Variants in ENTPD1 observed in about 807,000 individuals in gnomAD.
ENTPD1 encodes the protein ATP diphosphohydrolase.
In ENTPD1, 33 loss-of-function variants were observed where a neutral mutation model predicts 57.0. The observed-to-expected ratio is 0.58, with a 90% CI of 0.44 to 0.77. ENTPD1 has a LOEUF of 0.77. Ranked by LOEUF, ENTPD1 falls within the 30% of genes least tolerant of loss-of-function variation. The probability of loss-of-function intolerance (pLI) is 0.00; values close to 1 mark genes in which losing one functional copy is unlikely to be tolerated. For synonymous variants in ENTPD1, 202 were observed against 218.8 expected, an observed-to-expected ratio of 0.92 and a Z score of 0.68; for missense variants, 501 against 603.4, an observed-to-expected ratio of 0.83 and a Z score of 1.78.
At chr10:95,760,416 G>T (rs775345383) in intron 1 of ENTPD1, among the ~76,000 whole-genome samples, 6 of 152,132 alleles carry the variant, frequency 3.9e-5, no homozygotes, top group Non-Finnish European at 8.8e-5. Context: ...CAAGCTCTGA[G>T]CAGTCAACCT....
chr10:95,729,385 T>G (rs2097987020), intron 1 of ENTPD1, among the ~76,000 whole-genome samples: 1 of 152,162 alleles, frequency 6.6e-6, no homozygotes, highest in Non-Finnish European at 1.5e-5. Flanking sequence ...TTTCCTGGAG[T>G]AGTCAGTCTT....
upstream of ENTPD1, among the ~76,000 whole-genome samples, chr10:95,752,729 G>A (rs747985478): frequency 1.3e-5 from 2 of 152,124 alleles, no homozygotes; most frequent in Admixed American, 1.3e-4. Flanking sequence ...ATGGGGTCTT[G>A]TTATGTTGCC....
chr10:95,874,084 CA>C lies in ENTPD1; in HGVS notation c.*7702del, dbSNP rs2098483329. 6.6e-6 allele frequency among the ~76,000 whole-genome samples: 1 copy of C among 152,168 alleles called. No homozygotes were observed. The highest frequency in any genetic ancestry group is 6.5e-5 in the Admixed American group (1 of 15,284). ...GGGCTCCTCCAAATTTCATAATCCT[CA>C]CATTTCAAAACCAATCATTCCTTCC... is the stretch of plus-strand genomic sequence containing the variant. On this transcript the variant is annotated 3_prime_UTR_variant, in exon 10 of 10. Transcript: ENST00000371205.
intron 1 of ENTPD1, among the ~76,000 whole-genome samples, chr10:95,712,216 C>G (rs2097966352): frequency 6.6e-6 from 1 of 152,114 alleles, no homozygotes; most frequent in Non-Finnish European, 1.5e-5. Flanking sequence ...TAGTCTTTGT[C>G]TTTCCGTGTT....
In ENTPD1 at chr10:95,845,475, A is replaced by G; in HGVS notation, c.692A>G (p.Glu231Gly). Residue 231 changes from glutamate to glycine, a missense_variant, in exon 6 of 10, where the codon GAG (glutamate) becomes GGG (glycine). By Grantham distance (98) the Glu-to-Gly change is moderately conservative. Coordinates refer to ENST00000371205, the MANE Select transcript of ENTPD1 (RefSeq NM_001776.6). ...TTTGTACCCCAAAACCAGACTATCG[A>G]GTCCCCAGATAATGCTCTGCAATTT... is the stretch of plus-strand genomic sequence containing the variant. ...VTFVPQNQTI[E>G]SPDNALQFRL... 6.2e-7 allele frequency: 1 copy of G among 1,614,226 alleles called. No homozygotes were observed. The highest frequency in any genetic ancestry group is 8.5e-7 in the Non-Finnish European group (1 of 1,180,036).
In ENTPD1 at chr10:95,868,623, C is replaced by A; in HGVS notation, c.*2240C>A. The A allele has an allele frequency of 1.0e-6, 1 of 983,436 alleles. No homozygotes were observed. Among genetic ancestry groups the A allele is most frequent in the Non-Finnish European group, 1.2e-6 (1 of 828,156 alleles). The allele number at this position is 983,436 out of a possible 1,614,324, so 60.9% of individuals were successfully genotyped here. On this transcript the variant is annotated 3_prime_UTR_variant, in exon 10 of 10. Coordinates refer to ENST00000371205, the MANE Select transcript of ENTPD1 (RefSeq NM_001776.6). ...ATCTATTCTGACCCTCACAACAACC[C>A]ATAAGGGTGTAAATAGTATTTCCAT...
intron 1 of ENTPD1, among the ~76,000 whole-genome samples, chr10:95,720,342 G>T (rs1357587200): frequency 6.6e-6 from 1 of 152,168 alleles, no homozygotes; most frequent in Non-Finnish European, 1.5e-5. Context: ...GTGTATAATG[G>T]CCGCTGCTTT....
In ENTPD1 at chr10:95,802,421, A is replaced by AT. The variant is rs764439773; in HGVS notation, c.17-20806dup. ...TTCAGGGTAATTAGCATATCCATGA[A>AT]TTTTTTTTTTCTGTTTTGAATGATT... is the stretch of plus-strand genomic sequence containing the variant. On this transcript the variant is annotated intron_variant, in intron 1 of 9. Coordinates refer to ENST00000371205, the MANE Select transcript of ENTPD1 (RefSeq NM_001776.6). Among the ~76,000 whole-genome samples the AT allele has an allele frequency of 3.9e-3, 584 of 150,006 alleles. 4 individuals are homozygous for AT. Among genetic ancestry groups the AT allele is most frequent in the African/African-American group, 0.013 (513 of 40,886 alleles).
chr10:95,790,090 A>T (rs2140257153), intron 1 of ENTPD1, among the ~76,000 whole-genome samples: 1 of 152,352 alleles, frequency 6.6e-6, no homozygotes, highest in East Asian at 1.9e-4. Flanking sequence ...ATGACTCATG[A>T]CATTACAAGA....
chr10:95,853,886 A>C (rs2098449785), intron 7 of ENTPD1, among the ~76,000 whole-genome samples: 1 of 152,134 alleles, frequency 6.6e-6, no homozygotes, highest in Non-Finnish European at 1.5e-5. Context: ...TATTGGTCTA[A>C]AATTCTCTTT....
intron 1 of ENTPD1, among the ~76,000 whole-genome samples, chr10:95,821,533 G>T (rs751491607): frequency 2.6e-5 from 4 of 152,184 alleles, no homozygotes; most frequent in Non-Finnish European, 5.9e-5. Flanking sequence ...GTGAGGGAAT[G>T]AAATTACACA....
At chr10:95,697,851 G>T in the ENTPD1 span, among the ~76,000 whole-genome samples, 3 of 152,122 alleles carry the variant, frequency 2.0e-5, no homozygotes, top group Non-Finnish European at 4.4e-5. Flanking sequence ...ACAGAAAATT[G>T]GAACCAAGAA....
chr10:95,823,499 C>T, intron 2 of ENTPD1, 135 bp downstream of exon 2: 1 of 1,358,208 alleles, frequency 7.4e-7, no homozygotes, highest in Non-Finnish European at 1.0e-6. Flanking sequence ...TCAATTTCCA[C>T]TGGATTAGGG....
intron 2 of ENTPD1, among the ~76,000 whole-genome samples, chr10:95,839,138 A>G (rs905110826): frequency 3.3e-5 from 5 of 152,196 alleles, no homozygotes; most frequent in Non-Finnish European, 5.9e-5. Context: ...CTGGCATTCA[A>G]TGGAGTAACT....
At chr10:95,744,291 A>G (rs528600449) in intron 1 of ENTPD1, among the ~76,000 whole-genome samples, 5 of 152,008 alleles carry the variant, frequency 3.3e-5, no homozygotes, top group Non-Finnish European at 7.4e-5. Flanking sequence ...AGAGTAATGT[A>G]CTTTTACACA....
intron 1 of ENTPD1, among the ~76,000 whole-genome samples, chr10:95,787,583 C>T (rs2098185500): frequency 6.6e-6 from 1 of 152,024 alleles, no homozygotes; most frequent in Admixed American, 6.6e-5. Flanking sequence ...TAAACCACCC[C>T]AGTTAAGTGC....
chr10:95,734,953 G>A (rs541853410), intron 1 of ENTPD1, among the ~76,000 whole-genome samples: 1 of 152,246 alleles, frequency 6.6e-6, no homozygotes, highest in South Asian at 2.1e-4. Flanking sequence ...TTACAGTTGG[G>A]TGGGTAGGGT....
intron 1 of ENTPD1, 113 bp downstream of exon 1, chr10:95,756,368 T>G: frequency 8.3e-7 from 1 of 1,205,996 alleles, no homozygotes; most frequent in Non-Finnish European, 1.2e-6. Context: ...AAGCCCTGAA[T>G]GAACTTTCCC....
At chr10:95,747,338 A>G (rs866584558) in intron 1 of ENTPD1, among the ~76,000 whole-genome samples, 2 of 152,234 alleles carry the variant, frequency 1.3e-5, no homozygotes, top group Non-Finnish European at 2.9e-5. Flanking sequence ...ATACATAAAC[A>G]CAGGCATTCT....
Sources: allele counts gnomAD v4.1 joint callset (sites outside exome capture counted in the v4.1 genomes callset), GRCh38; gene constraint gnomAD v4.1.1; transcripts MANE v1.5; gene names NCBI Gene and HGNC (gene_info 2026-07-23, HGNC 2026-07-21).